TMTC2: variants seen among roughly 807,000 people sequenced by gnomAD.
TMTC2 encodes protein O-mannosyl-transferase TMTC2.
TMTC2 carries 43 observed loss-of-function variants against 82.4 expected under a neutral mutation model. The observed-to-expected ratio is 0.52, with a 90% CI of 0.41 to 0.67. The LOEUF (loss-of-function observed/expected upper bound fraction) is 0.67. Ranked by LOEUF, TMTC2 falls within the 30% of genes least tolerant of loss-of-function variation. The pLI is 0.00. For missense variants in TMTC2, 919 were observed against 1,012.4 expected (o/e 0.91, Z 1.25); for synonymous variants, 408 against 381.9 (o/e 1.07, Z -0.80).
intron 1 of TMTC2, among the ~76,000 whole-genome samples, chr12:82,703,602 C>T (rs1444268711): frequency 6.6e-6 from 1 of 151,616 alleles, no homozygotes; most frequent in African/African-American, 2.4e-5. Context: ...GGGTTCACGC[C>T]ATTCTCCTGC....
At chr12:82,864,473 T>TTCATA (rs1871715860) in intron 2 of TMTC2, among the ~76,000 whole-genome samples, 1 of 151,688 alleles carries the variant, frequency 6.6e-6, no homozygotes, top group African/African-American at 2.4e-5. Flanking sequence ...TTATATCTCA[T>TTCATA]TCATATCAGT....
At chr12:83,043,115 C>T (rs1002323395) in intron 9 of TMTC2, among the ~76,000 whole-genome samples, 5 of 152,248 alleles carry the variant, frequency 3.3e-5, no homozygotes, top group Admixed American at 6.5e-5. Flanking sequence ...TCTGAAAGAG[C>T]GAAAGCATAT....
chr12:82,693,599 C>T (rs1266737596), intron 1 of TMTC2, among the ~76,000 whole-genome samples: 2 of 152,182 alleles, frequency 1.3e-5, no homozygotes, highest in African/African-American at 2.4e-5. Context: ...CTGTCTCACC[C>T]TCTTCCTCTC....
At chr12:83,057,497 G>A (rs1039837144) in intron 10 of TMTC2, among the ~76,000 whole-genome samples, 3 of 151,858 alleles carry the variant, frequency 2.0e-5, no homozygotes, top group African/African-American at 7.3e-5. Context: ...TTTTACATAT[G>A]TATGACTCTG....
At chr12:83,032,257 TTATATATATATATA>T (rs57604518) in intron 9 of TMTC2, among the ~76,000 whole-genome samples, 9,416 of 130,766 alleles carry the variant, frequency 0.072, 459 homozygotes, top group Non-Finnish European at 0.096. Flanking sequence ...AGAGAATATT[TTATATATATATATA>T]TATATATATA....
intron 4 of TMTC2, among the ~76,000 whole-genome samples, chr12:82,946,747 T>TC (rs1877017037): frequency 7.0e-6 from 1 of 143,286 alleles, no homozygotes; most frequent in South Asian, 2.2e-4. Context: ...TTTCTTTTCT[T>TC]TTTTTTTTTT....
chr12:82,849,564 A>G (rs1039231701), intron 1 of TMTC2, among the ~76,000 whole-genome samples: 3 of 152,176 alleles, frequency 2.0e-5, no homozygotes, highest in African/African-American at 7.2e-5. Context: ...TAATGGAAGA[A>G]TGATGATATT....
chr12:82,746,606 TA>T (rs1875705706), intron 1 of TMTC2, among the ~76,000 whole-genome samples: 1 of 152,228 alleles, frequency 6.6e-6, no homozygotes. Flanking sequence ...GTCCCCTGGC[TA>T]TTCAAACCTG....
At chr12:82,726,743 T>G (rs754230747) in intron 1 of TMTC2, among the ~76,000 whole-genome samples, 89 of 151,674 alleles carry the variant, frequency 5.9e-4, no homozygotes, top group African/African-American at 1.8e-3. Context: ...GCCGGGCGTG[T>G]TGGTGGGCGC....
In TMTC2 at chr12:82,857,289, G is replaced by C. The variant is rs1166281807; in HGVS notation, c.363G>C (p.Leu121Phe). 6.2e-7 allele frequency: 1 copy of C among 1,614,192 alleles called. No homozygotes were observed. Among genetic ancestry groups the C allele is most frequent in the African/African-American group, 1.3e-5 (1 of 75,038 alleles). ...GATACTGGACATTCATGGCTGGCTTGATGTTTGCTTCTCACCCCATTCACA... is the reference window on the plus strand; with the variant it reads ...GATACTGGACATTCATGGCTGGCTTCATGTTTGCTTCTCACCCCATTCACA... ...GDGYWTFMAG[L>F]MFASHPIHTE... The change falls in exon 2 of 12, where the codon TTG (leucine) becomes TTC (phenylalanine). Residue 121 changes from leucine (L) to phenylalanine (F), a missense_variant. Coordinates refer to ENST00000321196, the MANE Select transcript of TMTC2 (RefSeq NM_152588.3).
chr12:82,766,882 T>C (rs906016486), intron 1 of TMTC2, among the ~76,000 whole-genome samples: 12 of 152,282 alleles, frequency 7.9e-5, no homozygotes, highest in South Asian at 2.1e-4. Context: ...CACTGCAACC[T>C]CTGCCTCCCG....
chr12:82,809,067 C>T (rs1879370986), intron 1 of TMTC2, among the ~76,000 whole-genome samples: 1 of 148,678 alleles, frequency 6.7e-6, no homozygotes, highest in African/African-American at 2.4e-5. Context: ...AAATAAGATT[C>T]AGAAATTATT....
chr12:82,749,517 A>T (rs1331591482), intron 1 of TMTC2, among the ~76,000 whole-genome samples: 1 of 151,990 alleles, frequency 6.6e-6, no homozygotes, highest in African/African-American at 2.4e-5. Context: ...TTTGGTATAA[A>T]AGCTGTACTG....
At chr12:83,086,715 G>A (rs894338145) in intron 11 of TMTC2, among the ~76,000 whole-genome samples, 90 of 152,190 alleles carry the variant, frequency 5.9e-4, no homozygotes, top group Non-Finnish European at 1.3e-4. Context: ...ATACCATACA[G>A]TCATCTATTA....
chr12:83,031,825 C>T (rs564714158), intron 9 of TMTC2, among the ~76,000 whole-genome samples: 48 of 152,250 alleles, frequency 3.2e-4, no homozygotes, highest in African/African-American at 1.1e-3. Context: ...CAAATAACCA[C>T]AAATCCATTT....
At chr12:83,000,173 C>T (rs1427496739) in intron 8 of TMTC2, among the ~76,000 whole-genome samples, 2 of 151,876 alleles carry the variant, frequency 1.3e-5, no homozygotes, top group East Asian at 1.9e-4. Context: ...CTCGCTCTGT[C>T]GCCCAGGCTG....
chr12:82,750,913 TAAGAA>T (rs1875963045), intron 1 of TMTC2, among the ~76,000 whole-genome samples: 1 of 152,142 alleles, frequency 6.6e-6, no homozygotes, highest in African/African-American at 2.4e-5. Flanking sequence ...AGGAAACTGT[TAAGAA>T]AAGTTAAATA....
At chr12:83,040,478 C>G (rs1222435575) in intron 9 of TMTC2, among the ~76,000 whole-genome samples, 1 of 152,028 alleles carries the variant, frequency 6.6e-6, no homozygotes, top group Non-Finnish European at 1.5e-5. Flanking sequence ...CAGACCTCAC[C>G]CTACATGGTG....
intron 1 of TMTC2, among the ~76,000 whole-genome samples, chr12:82,763,700 A>G (rs183241813): frequency 3.3e-5 from 5 of 152,354 alleles, no homozygotes; most frequent in African/African-American, 1.2e-4. Flanking sequence ...GTGACTTAAG[A>G]AGGAAAATAA....
Sources: gnomAD v4.1 joint callset for allele counts (sites outside exome capture counted in the v4.1 genomes callset) on GRCh38, gnomAD v4.1.1 for gene constraint, MANE v1.5 for transcripts, NCBI Gene and HGNC (gene_info 2026-07-23, HGNC 2026-07-21) for gene names.